The following MAN2A1 variants were observed in gnomAD, a reference collection of about 807,000 sequenced individuals.
MAN2A1 encodes mannosidase alpha class 2A member 1.
MAN2A1 carries 76 observed loss-of-function variants against 142.6 expected under a neutral mutation model. The observed-to-expected ratio is 0.53, with a 90% CI of 0.44 to 0.65. The LOEUF (loss-of-function observed/expected upper bound fraction) is 0.65, where lower values mean the gene tolerates loss of function less well. MAN2A1 is among the 30% of genes least tolerant of loss of function. The pLI is 0.00. For missense variants in MAN2A1, 1,311 were observed against 1,365.1 expected (o/e 0.96, Z 0.62); for synonymous variants, 559 against 473.2 (o/e 1.18, Z -2.35).
rs917688851 is a variant in MAN2A1 at position 109,866,396 on chromosome 5, G to T, written c.3283-450G>T. On this transcript the variant is annotated intron_variant, in intron 21 of 21. Transcript: ENST00000261483. ...CTGTGTGCTCTCTCTTAACTCTGTT[G>T]GAACAGGAAAAAGTGGTTGAGGACT... is the stretch of plus-strand genomic sequence containing the variant. Among the ~76,000 whole-genome samples, 9 of 152,166 alleles carry T rather than the reference G, an allele frequency of 5.9e-5. No homozygotes were observed. The East Asian group carries it at 7.8e-4, about 13-fold the overall frequency.
At chr5:109,751,337 T>G (rs1250606554) in intron 4 of MAN2A1, among the ~76,000 whole-genome samples, 1 of 152,170 alleles carries the variant, frequency 6.6e-6, no homozygotes, top group Non-Finnish European at 1.5e-5. Flanking sequence ...ATTTCATAGG[T>G]TTTTATGACT....
rs570697669 is a variant in MAN2A1, at chr5:109,697,038, CATT to C, written c.135+6488_135+6490del. ...TTGGACGTGTGTATTCTGAGAAAAA[CATT>C]AGGGTCAGGTCATTGTAAATAGATC... On this transcript the variant is annotated intron_variant, in intron 1 of 21. Coordinates refer to ENST00000261483, the MANE Select transcript of MAN2A1 (RefSeq NM_002372.4). Among the ~76,000 whole-genome samples, 8 of 152,250 alleles carry C rather than the reference CATT, an allele frequency of 5.3e-5. No homozygotes were observed. The South Asian group carries it at 1.7e-3, about 32-fold the overall frequency.
At chr5:109,762,530 T>G (rs1752879730) in intron 5 of MAN2A1, among the ~76,000 whole-genome samples, 1 of 152,132 alleles carries the variant, frequency 6.6e-6, no homozygotes, top group African/African-American at 2.4e-5. Context: ...ACTCATCCTG[T>G]GGAGTCAGCA....
intron 3 of MAN2A1, among the ~76,000 whole-genome samples, chr5:109,727,877 G>T (rs1360554476): frequency 6.6e-6 from 1 of 152,124 alleles, no homozygotes; most frequent in African/African-American, 2.4e-5. Flanking sequence ...TAGTACTTTG[G>T]TGAAGCTAGG....
rs1561541081 is a variant in MAN2A1, at chr5:109,846,084, G to T, written c.2842+78G>T. 1.2e-5 allele frequency: 15 copies of T among 1,285,952 alleles called. 1 individual carries two copies. Among genetic ancestry groups the T allele is most frequent in the Admixed American group, 5.3e-5 (2 of 38,012 alleles). The allele number at this position is 1,285,952 out of a possible 1,614,324, so 79.7% of individuals were successfully genotyped here. A position where few individuals can be genotyped will look rare whatever the true frequency, so the allele number is the denominator to read the frequency against. On this transcript the variant is annotated intron_variant, in intron 18 of 21. Coordinates refer to ENST00000261483, the MANE Select transcript of MAN2A1 (RefSeq NM_002372.4). ...ATACTTTTTCTGTTGGTCAGATGTG[G>T]TATAATCTCTAGTTAAAACCTCCCT...
At chr5:109,766,235 T>A (rs542645019) in intron 5 of MAN2A1, among the ~76,000 whole-genome samples, 1 of 152,294 alleles carries the variant, frequency 6.6e-6, no homozygotes, top group South Asian at 2.1e-4. Context: ...ACTGTGAAAA[T>A]TCTGGCTCCC....
chr5:109,697,764 A>G (rs2112539917), intron 1 of MAN2A1, among the ~76,000 whole-genome samples: 1 of 152,330 alleles, frequency 6.6e-6, no homozygotes, highest in Middle Eastern at 3.4e-3. Flanking sequence ...TATTGTTAAT[A>G]TTGGAGGCAA....
chr5:109,847,232 C>A lies in MAN2A1; in HGVS notation c.2843-425C>A, dbSNP rs569890089. On this transcript the variant is annotated intron_variant, in intron 18 of 21. Coordinates refer to ENST00000261483, the MANE Select transcript of MAN2A1 (RefSeq NM_002372.4). The stretch of plus-strand genomic sequence containing the variant: ...AAGACTCAAGCCGTGGTTAACAAAG[C>A]AGCATTATCTCACTTCCTGGAAATG... Among the ~76,000 whole-genome samples the A allele has an allele frequency of 7.2e-5, 11 of 152,256 alleles. 1 individual carries two copies. The East Asian group carries it at 2.1e-3, about 29-fold the overall frequency.
intron 16 of MAN2A1, among the ~76,000 whole-genome samples, chr5:109,837,918 C>T (rs1264797421): frequency 6.6e-6 from 1 of 152,170 alleles, no homozygotes; most frequent in Non-Finnish European, 1.5e-5. Flanking sequence ...TGATAAAGGA[C>T]AGGCTTTCAT....
At chr5:109,809,547 C>T (rs534718734) in intron 12 of MAN2A1, among the ~76,000 whole-genome samples, 1 of 151,838 alleles carries the variant, frequency 6.6e-6, no homozygotes, top group Non-Finnish European at 1.5e-5. Flanking sequence ...TTTTTTGTTT[C>T]CTCACCACCT....
chr5:109,830,955 G>A (rs982907825), intron 16 of MAN2A1, among the ~76,000 whole-genome samples: 2 of 152,206 alleles, frequency 1.3e-5, no homozygotes, highest in Non-Finnish European at 1.5e-5. Flanking sequence ...TAACTCCTTA[G>A]CAAAGAAGCA....
Position 109,784,729 on chromosome 5 carries a change from C to G in MAN2A1, c.1578-15C>G. On this transcript the variant is annotated splice_polypyrimidine_tract_variant and intron_variant, in intron 9 of 21. Transcript: ENST00000261483. Reference sequence around the variant, plus strand: ...TGTTTGTTTTAAAATAAAAATATGACTTTTATGCAATTAGGGCTGCTGAAA... The same window carrying G: ...TGTTTGTTTTAAAATAAAAATATGAGTTTTATGCAATTAGGGCTGCTGAAA... The G allele has an allele frequency of 6.5e-7, 1 of 1,542,374 alleles. No individual in the cohort carries two copies. The highest frequency in any genetic ancestry group is 8.7e-7 in the Non-Finnish European group (1 of 1,147,400).
chr5:109,854,764 T>G (rs1755563936), intron 19 of MAN2A1: 1 of 158,892 alleles, frequency 6.3e-6, no homozygotes, highest in Non-Finnish European at 1.4e-5. Context: ...GGAGATAATA[T>G]TTGATGATGC....
At chr5:109,704,670 G>A (rs926087739) in intron 1 of MAN2A1, among the ~76,000 whole-genome samples, 5 of 152,150 alleles carry the variant, frequency 3.3e-5, no homozygotes, top group Admixed American at 6.5e-5. Context: ...CTGACTAAAG[G>A]CAGGGTTTTT....
intron 8 of MAN2A1, among the ~76,000 whole-genome samples, chr5:109,775,544 C>A (rs1229120263): frequency 2.6e-5 from 4 of 151,212 alleles, no homozygotes; most frequent in Non-Finnish European, 5.9e-5. Context: ...AAAAATTGTT[C>A]CCCTTCTCCC....
chr5:109,848,938 C>T (rs78185667), intron 19 of MAN2A1, among the ~76,000 whole-genome samples: 2,835 of 152,284 alleles, frequency 0.019, 34 homozygotes, highest in Middle Eastern at 0.071. Flanking sequence ...CTGGCTTTAG[C>T]CTCCATCATA....
intron 3 of MAN2A1, among the ~76,000 whole-genome samples, chr5:109,726,590 G>A (rs192498218): frequency 7.9e-5 from 12 of 152,248 alleles, no homozygotes; most frequent in African/African-American, 2.9e-4. Context: ...AAGTGTTGAA[G>A]GCAAAATGGA....
chr5:109,857,053 A>G (rs1755640635), intron 20 of MAN2A1, among the ~76,000 whole-genome samples: 1 of 152,182 alleles, frequency 6.6e-6, no homozygotes, highest in African/African-American at 2.4e-5. Flanking sequence ...AGGGCCTCAC[A>G]GAGGTGATAA....
intron 4 of MAN2A1, among the ~76,000 whole-genome samples, chr5:109,740,438 C>T (rs1752234876): frequency 6.6e-6 from 1 of 152,178 alleles, no homozygotes; most frequent in South Asian, 2.1e-4. Flanking sequence ...AGATGTGTGT[C>T]TGAATGTGCT....
Sources: gnomAD v4.1 joint callset for allele counts (sites outside exome capture counted in the v4.1 genomes callset) on GRCh38, gnomAD v4.1.1 for gene constraint, MANE v1.5 for transcripts, NCBI Gene and HGNC (gene_info 2026-07-23, HGNC 2026-07-21) for gene names.